PRICKLE2: variants seen among roughly 807,000 people sequenced by gnomAD.
PRICKLE2 encodes prickle-like protein 2.
A neutral mutation model predicts 81.4 loss-of-function variants in PRICKLE2; 21 were observed. That is an observed-to-expected ratio of 0.26 (90% CI 0.18 to 0.37). The LOEUF (loss-of-function observed/expected upper bound fraction) is 0.37, where lower values mean the gene tolerates loss of function less well. PRICKLE2 is among the 10% of genes least tolerant of loss of function. PRICKLE2 has a pLI of 1.00. For missense variants in PRICKLE2, 940 were observed against 1,109.0 expected (o/e 0.85, Z 2.16); for synonymous variants, 456 against 421.5 (o/e 1.08, Z -1.00).
At chr3:64,237,179 CGT>C (rs1235836653) in intron 2 of PRICKLE2, among the ~76,000 whole-genome samples, 6 of 152,148 alleles carry the variant, frequency 3.9e-5, no homozygotes, top group African/African-American at 7.2e-5. Flanking sequence ...CTCCAGAGGG[CGT>C]ATGTTACAAT....
At chr3:64,225,884 C>A (rs1205002325), upstream of PRICKLE2, among the ~76,000 whole-genome samples, 6 of 150,400 alleles carry the variant, frequency 4.0e-5, no homozygotes, top group African/African-American at 1.5e-4. Flanking sequence ...AAATGCCTCT[C>A]CTTTTTTTTT....
At position 64,099,250 on chromosome 3, in the gene PRICKLE2, G is replaced by A; in HGVS notation, c.2336C>T (p.Ser779Phe). ...CTCGTTGTCAGACTCTGAAGAGGAGGAGCAGGTGGAACACCAATCATACTC... is the reference window on the plus strand; with the variant it reads ...CTCGTTGTCAGACTCTGAAGAGGAGAAGCAGGTGGAACACCAATCATACTC... Reference protein sequence around the residue: ...FAEYDWCSTCSSSSESDNEGY... With the variant: ...FAEYDWCSTCFSSSESDNEGY... Residue 779 changes from serine to phenylalanine, a missense_variant, in exon 8 of 8, where the codon TCC becomes TTC. Coordinates refer to ENST00000638394, the MANE Select transcript of PRICKLE2 (RefSeq NM_198859.4). This position sits in a 1 kb window ranked among gnomAD's most constrained non-coding sequence, Gnocchi z 4.3. 2.5e-6 allele frequency: 4 copies of A among 1,614,196 alleles called. No individual in the cohort carries two copies. Among genetic ancestry groups the A allele is most frequent in the Non-Finnish European group, 3.4e-6 (4 of 1,180,038 alleles).
intron 1 of PRICKLE2, among the ~76,000 whole-genome samples, chr3:64,203,689 C>T (rs917886760): frequency 2.6e-5 from 4 of 151,836 alleles, no homozygotes; most frequent in African/African-American, 4.8e-5. Context: ...AGAAAAGAGA[C>T]GATGGGGAGG....
chr3:64,220,187 G>A (rs1464626005), intron 1 of PRICKLE2, among the ~76,000 whole-genome samples: 1 of 152,184 alleles, frequency 6.6e-6, no homozygotes, highest in Non-Finnish European at 1.5e-5. Flanking sequence ...GCATCTCTAA[G>A]GACTCATAAC....
At chr3:64,224,036 T>C (rs2078995832) in intron 1 of PRICKLE2, among the ~76,000 whole-genome samples, 1 of 152,166 alleles carries the variant, frequency 6.6e-6, no homozygotes, top group South Asian at 2.1e-4. Flanking sequence ...CATACATGCA[T>C]TGATATGGGA....
Position 64,265,315 on chromosome 3 carries a change from T to C in PRICKLE2, c.129-66348A>G, listed in dbSNP as rs1319917129. On this transcript the variant is annotated intron_variant, in intron 2 of 8. Transcript: ENST00000295902. Reference sequence around the variant, plus strand: ...CATTTAAACCTCAATACAATTTCCATAAAGTCTCATTATATTCAACTAGGA... The same window carrying C: ...CATTTAAACCTCAATACAATTTCCACAAAGTCTCATTATATTCAACTAGGA... 2.6e-5 allele frequency among the ~76,000 whole-genome samples: 4 copies of C among 152,334 alleles called. No homozygotes were observed. The South Asian group carries it at 8.3e-4, about 32-fold the overall frequency.
At chr3:64,106,092 A>T (rs1442886213) in intron 7 of PRICKLE2, 1 of 152,244 alleles carries the variant, frequency 6.6e-6, no homozygotes, top group Non-Finnish European at 1.5e-5. Flanking sequence ...GTATGCAGGA[A>T]GAAGGTTTAG....
In PRICKLE2 at chr3:64,147,692, T is replaced by A; in HGVS notation, c.798A>T (p.Gln266His). 6.2e-7 allele frequency: 1 copy of A among 1,613,712 alleles called. No homozygotes were observed. Among genetic ancestry groups the A allele is most frequent in the Non-Finnish European group, 8.5e-7 (1 of 1,180,014 alleles). Reference sequence around the variant, plus strand: ...GTTGGCCATCATAGGTCATTTGACCTTGGTCGATACCTAAAAAAATGAGAG... The same window carrying A: ...GTTGGCCATCATAGGTCATTTGACCATGGTCGATACCTAAAAAAATGAGAG... The part of the protein sequence containing the change: ...DTCAQHIGID[Q>H]GQMTYDGQHW... The change falls in exon 7 of 8, where the codon CAA (glutamine) becomes CAT (histidine). Residue 266 changes from glutamine to histidine, a missense_variant. By Grantham distance (24) the Gln-to-His change is conservative. This residue lies in a region of PRICKLE2 where 270 missense variants were observed against 391.8 expected (regional missense o/e 0.69). Transcript: ENST00000638394. The surrounding 1 kb of genome is among the most constrained non-coding windows in gnomAD (Gnocchi z 5.0).
chr3:64,124,687 A>T (rs886770552), intron 7 of PRICKLE2, among the ~76,000 whole-genome samples: 1 of 152,230 alleles, frequency 6.6e-6, no homozygotes. Context: ...GATGACAGCA[A>T]ATAAGCTTAT....
chr3:64,217,472 T>G (rs2078889817), intron 1 of PRICKLE2, among the ~76,000 whole-genome samples: 1 of 152,142 alleles, frequency 6.6e-6, no homozygotes, highest in Non-Finnish European at 1.5e-5. Context: ...AACTAAAACT[T>G]TCAGTAAGCC....
At chr3:64,185,619 T>G (rs902857402) in intron 2 of PRICKLE2, among the ~76,000 whole-genome samples, 1 of 152,146 alleles carries the variant, frequency 6.6e-6, no homozygotes, top group Admixed American at 6.5e-5. Flanking sequence ...TTGTGCATGA[T>G]TAATACTGAG....
At chr3:64,196,907 A>C (rs914717855) in intron 2 of PRICKLE2, among the ~76,000 whole-genome samples, 1 of 152,240 alleles carries the variant, frequency 6.6e-6, no homozygotes, top group Non-Finnish European at 1.5e-5. Flanking sequence ...CAAAATTTCA[A>C]GACATAAACT....
At chr3:64,167,023 G>T (rs1408962424) in intron 2 of PRICKLE2, among the ~76,000 whole-genome samples, 3 of 152,092 alleles carry the variant, frequency 2.0e-5, no homozygotes, top group Non-Finnish European at 4.4e-5. Flanking sequence ...TTTTCCTCTG[G>T]CATTCTCCAC....
At chr3:64,163,672 TA>T (rs2077771823) in intron 2 of PRICKLE2, 2 of 173,364 alleles carry the variant, frequency 1.2e-5, no homozygotes, top group African/African-American at 4.8e-5. Context: ...ATAGACTCAC[TA>T]AATCTGGGAT....
Position 64,095,237 on chromosome 3 carries a change from G to A in PRICKLE2, c.*3814C>T, listed in dbSNP as rs774862875. On this transcript the variant is annotated 3_prime_UTR_variant, in exon 8 of 8. Transcript: ENST00000638394. ...TTTAGCCTAAGAAGTCAGCTTCCTC[G>A]AGCCTCCACAACCTGGGATGGGGGA... The A allele has an allele frequency of 1.3e-5, 2 of 152,036 alleles. No homozygotes were observed. Among genetic ancestry groups the A allele is most frequent in the Non-Finnish European group, 2.9e-5 (2 of 67,998 alleles). 9.4% of individuals were successfully genotyped at this position (152,036 alleles called of 1,614,324 possible). A position where few individuals can be genotyped will look rare whatever the true frequency, so the allele number is the denominator to read the frequency against.
chr3:64,198,199 G>A (rs1025224713), intron 2 of PRICKLE2, among the ~76,000 whole-genome samples: 12 of 150,826 alleles, frequency 8.0e-5, no homozygotes, highest in East Asian at 3.9e-4. Flanking sequence ...GCGACAGAGC[G>A]AGACTCTATC....
At chr3:64,138,050 T>C (rs1183931656) in intron 7 of PRICKLE2, among the ~76,000 whole-genome samples, 1 of 151,950 alleles carries the variant, frequency 6.6e-6, no homozygotes, top group Non-Finnish European at 1.5e-5. Flanking sequence ...ATAATGGGTG[T>C]TTGATGTTAA....
intron 2 of PRICKLE2, among the ~76,000 whole-genome samples, chr3:64,198,166 C>G (rs9872364): frequency 3.3e-5 from 5 of 151,346 alleles, no homozygotes; most frequent in African/African-American, 7.3e-5. Flanking sequence ...GAGCCAAGAT[C>G]GCGCCACTGC....
intron 1 of PRICKLE2, among the ~76,000 whole-genome samples, chr3:64,213,842 C>A (rs114636090): frequency 6.6e-6 from 1 of 152,092 alleles, no homozygotes; most frequent in Admixed American, 6.5e-5. Flanking sequence ...CAAGGCTCAA[C>A]GAGTTTGTGG....
Sources: gnomAD v4.1 joint callset for allele counts (sites outside exome capture counted in the v4.1 genomes callset) on GRCh38, gnomAD v4.1.1 for gene constraint, gnomAD v4.1.1 regional missense constraint, Gnocchi (gnomAD v3.1) non-coding constraint, MANE v1.5 for transcripts, NCBI Gene and HGNC (gene_info 2026-07-23, HGNC 2026-07-21) for gene names.